MGAT4C: variants seen among roughly 807,000 people sequenced by gnomAD.
The protein encoded by MGAT4C is alpha-1,3-mannosyl-glycoprotein 4-beta-N-acetylglucosaminyltransferase C.
MGAT4C carries 19 observed loss-of-function variants against 40.1 expected under a neutral mutation model. The ratio of observed to expected loss-of-function variants is 0.47; its 90% confidence interval spans 0.33 to 0.70. MGAT4C has a LOEUF of 0.70. Ranked by LOEUF, MGAT4C falls within the 30% of genes least tolerant of loss-of-function variation. MGAT4C has a pLI of 0.02. For missense variants in MGAT4C, 491 were observed against 563.2 expected (o/e 0.87, Z 1.30); for synonymous variants, 181 against 187.1 (o/e 0.97, Z 0.27).
intron 1 of MGAT4C, among the ~76,000 whole-genome samples, chr12:86,215,855 C>T (rs779241014): frequency 3.3e-5 from 5 of 151,948 alleles, no homozygotes; most frequent in Non-Finnish European, 7.4e-5. Context: ...CCATTATGCT[C>T]CTTGTTATCT....
chr12:86,768,035 G>A (rs976284677), intron 1 of MGAT4C, among the ~76,000 whole-genome samples: 33 of 152,230 alleles, frequency 2.2e-4, no homozygotes, highest in African/African-American at 7.7e-4. Flanking sequence ...GGCAGGAGAA[G>A]GAAATAAAGA....
chr12:85,984,556 C>T (rs1055571380), intron 3 of MGAT4C, among the ~76,000 whole-genome samples: 13 of 152,106 alleles, frequency 8.5e-5, no homozygotes, highest in African/African-American at 2.9e-4. Context: ...AATTGCCCTT[C>T]TTTGATATAA....
intron 1 of MGAT4C, among the ~76,000 whole-genome samples, chr12:86,773,770 C>G (rs537931174): frequency 6.6e-6 from 1 of 151,634 alleles, no homozygotes; most frequent in Non-Finnish European, 1.5e-5. Flanking sequence ...ATTTTGAGCT[C>G]TTTCATGGAA....
intron 2 of MGAT4C, among the ~76,000 whole-genome samples, chr12:86,486,152 T>C (rs1349816199): frequency 6.6e-6 from 1 of 152,034 alleles, no homozygotes; most frequent in Non-Finnish European, 1.5e-5. Context: ...AATTATGTAA[T>C]CAAGTCTACA....
At chr12:86,357,820 G>A (rs1955352253) in intron 3 of MGAT4C, among the ~76,000 whole-genome samples, 1 of 152,192 alleles carries the variant, frequency 6.6e-6, no homozygotes, top group Non-Finnish European at 1.5e-5. Flanking sequence ...CAAGAAACAT[G>A]GGACTATGTG....
At chr12:86,548,497 T>A (rs1959216798) in intron 2 of MGAT4C, among the ~76,000 whole-genome samples, 1 of 152,098 alleles carries the variant, frequency 6.6e-6, no homozygotes, top group Non-Finnish European at 1.5e-5. Flanking sequence ...CAAATTCCCG[T>A]TTACGCAGGC....
intron 4 of MGAT4C, among the ~76,000 whole-genome samples, chr12:86,315,914 T>C (rs560429211): frequency 5.3e-5 from 8 of 151,240 alleles, no homozygotes; most frequent in Non-Finnish European, 1.0e-4. Flanking sequence ...ACACAGATAA[T>C]GTAAAGAATG....
chr12:86,678,899 T>C (rs1949922115), intron 2 of MGAT4C, among the ~76,000 whole-genome samples: 1 of 152,126 alleles, frequency 6.6e-6, no homozygotes, highest in Non-Finnish European at 1.5e-5. Context: ...TACGTGTGCA[T>C]GTGTCTTTAT....
At chr12:86,339,824 C>A (rs966302077) in intron 3 of MGAT4C, among the ~76,000 whole-genome samples, 5 of 152,068 alleles carry the variant, frequency 3.3e-5, no homozygotes, top group African/African-American at 1.2e-4. Flanking sequence ...TCAAGTACGC[C>A]AAACTTTGGC....
intron 2 of MGAT4C, among the ~76,000 whole-genome samples, chr12:86,626,378 A>G (rs948540468): frequency 2.0e-5 from 3 of 152,198 alleles, no homozygotes; most frequent in African/African-American, 7.2e-5. Flanking sequence ...TAAAATAATT[A>G]TAACCGAGCG....
At chr12:86,296,101 A>G (rs936748807) in intron 4 of MGAT4C, among the ~76,000 whole-genome samples, 3 of 100,970 alleles carry the variant, frequency 3.0e-5, no homozygotes, top group Non-Finnish European at 5.9e-5. Flanking sequence ...CAGAGTGTCA[A>G]TTGGTGCACT....
At chr12:86,518,205 C>A (rs1055148095) in intron 2 of MGAT4C, among the ~76,000 whole-genome samples, 7 of 151,942 alleles carry the variant, frequency 4.6e-5, no homozygotes, top group Non-Finnish European at 5.9e-5. Context: ...ACAACAACAA[C>A]AAAAAAATGA....
chr12:86,519,720 T>G (rs1310880446), intron 2 of MGAT4C, among the ~76,000 whole-genome samples: 1 of 152,196 alleles, frequency 6.6e-6, no homozygotes, highest in East Asian at 1.9e-4. Context: ...GAAATGTATG[T>G]TCAAATATTT....
intron 1 of MGAT4C, among the ~76,000 whole-genome samples, chr12:86,071,817 A>G (rs1592850328): frequency 6.6e-6 from 1 of 152,284 alleles, no homozygotes; most frequent in South Asian, 2.1e-4. Context: ...GAATTTCAGT[A>G]CAGGAAATCT....
intron 2 of MGAT4C, among the ~76,000 whole-genome samples, chr12:85,991,604 TAA>T (rs1273153066): frequency 3.3e-5 from 5 of 152,190 alleles, no homozygotes; most frequent in African/African-American, 1.2e-4. Flanking sequence ...CGTGGGCGCT[TAA>T]AGCCTGGAGG....
At chr12:86,358,197 T>C (rs778514527) in intron 3 of MGAT4C, among the ~76,000 whole-genome samples, 26 of 152,112 alleles carry the variant, frequency 1.7e-4, no homozygotes, top group African/African-American at 6.3e-4. Context: ...AGAAAAGAAT[T>C]TTCAACCCAG....
intron 3 of MGAT4C, among the ~76,000 whole-genome samples, chr12:86,357,416 T>G (rs1955340623): frequency 6.6e-6 from 1 of 152,162 alleles, no homozygotes; most frequent in African/African-American, 2.4e-5. Flanking sequence ...AGAGCACCTC[T>G]TCTCCTCCAA....
intron 1 of MGAT4C, among the ~76,000 whole-genome samples, chr12:86,080,334 G>C: frequency 6.6e-6 from 1 of 152,054 alleles, no homozygotes; most frequent in East Asian, 1.9e-4. Flanking sequence ...TTAACCCCTA[G>C]TAACTAACTC....
At chr12:85,984,159 G>T (rs1884955922) in intron 3 of MGAT4C, among the ~76,000 whole-genome samples, 1 of 152,164 alleles carries the variant, frequency 6.6e-6, no homozygotes, top group South Asian at 2.1e-4. Context: ...GGAATGATTA[G>T]GAAGATGCAG....
Sources: gnomAD v4.1 joint callset for allele counts (sites outside exome capture counted in the v4.1 genomes callset) on GRCh38, gnomAD v4.1.1 for gene constraint, MANE v1.5 for transcripts, NCBI Gene and HGNC (gene_info 2026-07-23, HGNC 2026-07-21) for gene names.